The following SGCD variants were observed in gnomAD, a reference collection of about 807,000 sequenced individuals.
SGCD encodes delta-sarcoglycan.
In SGCD, 18 loss-of-function variants were observed where a neutral mutation model predicts 36.6. The observed-to-expected ratio is 0.49, with a 90% CI of 0.34 to 0.73. The LOEUF (loss-of-function observed/expected upper bound fraction) is 0.73, where lower values mean the gene tolerates loss of function less well. Ranked by LOEUF, SGCD falls within the 30% of genes least tolerant of loss-of-function variation. The pLI is 0.01. For missense variants in SGCD, 387 were observed against 346.7 expected, an observed-to-expected ratio of 1.12 and a Z score of -0.92; for synonymous variants, 133 against 130.6, an observed-to-expected ratio of 1.02 and a Z score of -0.12.
intron 1 of SGCD, among the ~76,000 whole-genome samples, chr5:156,069,323 T>C (rs1177908881): frequency 6.6e-6 from 1 of 152,036 alleles, no homozygotes; most frequent in South Asian, 2.1e-4. Flanking sequence ...AAGGGATCCA[T>C]TTTCAGCTTT....
chr5:155,891,397 C>A (rs1034367369), intron 1 of SGCD, among the ~76,000 whole-genome samples: 1 of 151,966 alleles, frequency 6.6e-6, no homozygotes, highest in African/African-American at 2.4e-5. Context: ...TTTTGCCATT[C>A]GTAAATTAAA....
chr5:155,885,920 A>C (rs768198291), intron 1 of SGCD, among the ~76,000 whole-genome samples: 3 of 152,214 alleles, frequency 2.0e-5, no homozygotes, highest in Admixed American at 6.5e-5. Context: ...ATGCAGTCCT[A>C]ACTTTCCTGA....
At chr5:156,100,312 T>G (rs986839327) in intron 1 of SGCD, among the ~76,000 whole-genome samples, 4 of 151,716 alleles carry the variant, frequency 2.6e-5, no homozygotes, top group Non-Finnish European at 5.9e-5. Context: ...AAAAAAACCA[T>G]CTAAAGGCAT....
rs191031568 is a variant in SGCD, at chr5:155,988,356, A to G, written c.-282+117932A>G. On this transcript the variant is annotated intron_variant, in intron 1 of 9. Coordinates refer to the SGCD transcript ENST00000517913. ...TTTTCCAAGACTCCCCCCCGACCCC[A>G]TAGATATCTTTCTGCTTCTCATTGG... Among the ~76,000 whole-genome samples, 13 of 152,144 alleles carry G rather than the reference A, an allele frequency of 8.5e-5. No homozygotes were observed. The East Asian group carries it at 1.2e-3, about 14-fold the overall frequency.
intron 1 of SGCD, among the ~76,000 whole-genome samples, chr5:156,045,353 T>C (rs1759738476): frequency 6.6e-6 from 1 of 152,124 alleles, no homozygotes; most frequent in Non-Finnish European, 1.5e-5. Flanking sequence ...TTGTGATCTG[T>C]GCATTTTCCT....
intron 3 of SGCD, among the ~76,000 whole-genome samples, chr5:156,388,287 C>T (rs773061313): frequency 8.5e-5 from 13 of 152,122 alleles, no homozygotes; most frequent in Non-Finnish European, 1.6e-4. Context: ...ATGATAGTTT[C>T]CTTGAACACT....
intron 3 of SGCD, among the ~76,000 whole-genome samples, chr5:156,263,805 C>T (rs189392752): frequency 1.6e-4 from 25 of 152,228 alleles, no homozygotes; most frequent in African/African-American, 3.4e-4. Flanking sequence ...CATTCTTCTA[C>T]TTGTGGCTTG....
intron 1 of SGCD, among the ~76,000 whole-genome samples, chr5:156,047,793 T>G (rs1759809506): frequency 6.6e-6 from 1 of 152,106 alleles, no homozygotes; most frequent in Non-Finnish European, 1.5e-5. Flanking sequence ...GATCAAAGAT[T>G]TATTTTGAAT....
chr5:156,132,458 CTTTTTTTT>C (rs573278623), intron 3 of SGCD, among the ~76,000 whole-genome samples: 18 of 51,794 alleles, frequency 3.5e-4, no homozygotes, highest in Non-Finnish European at 5.5e-4. Context: ...CTTACCAAGT[CTTTTTTTT>C]TTTTTTTTTT....
intron 3 of SGCD, among the ~76,000 whole-genome samples, chr5:156,408,780 C>A (rs1025954472): frequency 2.6e-5 from 4 of 152,164 alleles, no homozygotes; most frequent in Non-Finnish European, 5.9e-5. Flanking sequence ...ATTTTGCCTT[C>A]TTTTCCAAGG....
chr5:156,025,469 G>C (rs540857659), intron 1 of SGCD, among the ~76,000 whole-genome samples: 1 of 152,176 alleles, frequency 6.6e-6, no homozygotes, highest in Non-Finnish European at 1.5e-5. Context: ...GCCAGACTTT[G>C]TTGGAGCTTT....
chr5:156,030,761 G>C (rs1166818042), intron 1 of SGCD, among the ~76,000 whole-genome samples: 5 of 152,092 alleles, frequency 3.3e-5, no homozygotes, highest in Non-Finnish European at 7.4e-5. Flanking sequence ...GGTCTTGAGA[G>C]TGAGCAGGGT....
At chr5:156,492,790 A>G (rs113187003) in intron 3 of SGCD, among the ~76,000 whole-genome samples, 5 of 152,018 alleles carry the variant, frequency 3.3e-5, no homozygotes, top group African/African-American at 9.7e-5. Flanking sequence ...TTCAACTCCC[A>G]CTTATTAGTG....
At chr5:156,379,024 T>C (rs916774765) in intron 3 of SGCD, among the ~76,000 whole-genome samples, 1 of 152,208 alleles carries the variant, frequency 6.6e-6, no homozygotes, top group Admixed American at 6.6e-5. Context: ...CATCTACTTA[T>C]GTACTCACAA....
intron 1 of SGCD, among the ~76,000 whole-genome samples, chr5:156,083,595 CA>C (rs1301238007): frequency 4.5e-5 from 6 of 134,544 alleles, no homozygotes; most frequent in African/African-American, 1.9e-4. Context: ...GCACCCGGCC[CA>C]TTTTTTTTTT....
intron 3 of SGCD, among the ~76,000 whole-genome samples, chr5:156,180,325 A>G (rs1763572972): frequency 6.6e-6 from 1 of 152,178 alleles, no homozygotes; most frequent in Non-Finnish European, 1.5e-5. Flanking sequence ...GATGCCACCT[A>G]TCTCATTTAA....
At chr5:155,891,203 C>A (rs529495991) in intron 1 of SGCD, among the ~76,000 whole-genome samples, 2 of 152,314 alleles carry the variant, frequency 1.3e-5, no homozygotes, top group East Asian at 3.9e-4. Flanking sequence ...GGCCCTACTG[C>A]ACTGGAGGCC....
chr5:155,821,837 T>A, the SGCD span, among the ~76,000 whole-genome samples: 2 of 152,240 alleles, frequency 1.3e-5, no homozygotes, highest in Admixed American at 6.5e-5. Context: ...TTATAAAATA[T>A]GTGAACTAAA....
chr5:156,427,702 G>T (rs1773736731), intron 3 of SGCD, among the ~76,000 whole-genome samples: 1 of 152,038 alleles, frequency 6.6e-6, no homozygotes, highest in Non-Finnish European at 1.5e-5. Flanking sequence ...TTACTTTGAG[G>T]TATGTCCCTT....
Sources: gnomAD v4.1 joint callset for allele counts (sites outside exome capture counted in the v4.1 genomes callset) on GRCh38, gnomAD v4.1.1 for gene constraint, MANE v1.5 for transcripts, NCBI Gene and HGNC (gene_info 2026-07-23, HGNC 2026-07-21) for gene names.